ENOX1: variants seen among roughly 807,000 people sequenced by gnomAD.
ENOX1 encodes ecto-NOX disulfide-thiol exchanger 1.
ENOX1 carries 42 observed loss-of-function variants against 82.5 expected under a neutral mutation model. The ratio of observed to expected loss-of-function variants is 0.51; its 90% confidence interval spans 0.40 to 0.66. The LOEUF is 0.66. Ranked by LOEUF, ENOX1 falls within the 30% of genes least tolerant of loss-of-function variation. ENOX1 has a pLI of 0.00. For synonymous variants in ENOX1, 271 were observed against 282.2 expected (o/e 0.96, Z 0.40); for missense variants, 608 against 811.6 (o/e 0.75, Z 3.05).
At chr13:43,556,957 T>C (rs556281176) in intron 2 of ENOX1, among the ~76,000 whole-genome samples, 4 of 152,212 alleles carry the variant, frequency 2.6e-5, no homozygotes, top group Middle Eastern at 3.4e-3. Flanking sequence ...TACATAGAAT[T>C]TGAATAAGTG....
At chr13:43,289,773 A>T (rs1016025155) in intron 12 of ENOX1, among the ~76,000 whole-genome samples, 5 of 152,140 alleles carry the variant, frequency 3.3e-5, no homozygotes, top group Admixed American at 6.6e-5. Flanking sequence ...GAAACTATCA[A>T]CAGAGTAAAC....
At chr13:43,344,873 T>C in intron 8 of ENOX1, 123 bp from the exon 9 acceptor site, 1 of 942,062 alleles carries the variant, frequency 1.1e-6, no homozygotes, top group Non-Finnish European at 1.6e-6. Flanking sequence ...ACTCAGCAAG[T>C]TAGCTTTCCT....
rs568979296 is a variant in ENOX1 at position 43,385,422 on chromosome 13, AT to A, written c.209-23971del. Among the ~76,000 whole-genome samples the A allele has an allele frequency of 2.0e-5, 3 of 152,290 alleles. No individual in the cohort carries two copies. The South Asian group carries it at 6.2e-4, about 32-fold the overall frequency. ...CCTAGTAAATCAACAAGAAAAAAAA[AT>A]GTTTCAACAGATAATAAGTAAAAAA... On this transcript the variant is annotated intron_variant, in intron 5 of 16. Transcript: ENST00000690772.
chr13:43,247,863 ATATATATATATATATATATATTTTT>A (rs1566329602), intron 14 of ENOX1, among the ~76,000 whole-genome samples: 1 of 1,848 alleles, frequency 5.4e-4, no homozygotes, highest in Non-Finnish European at 1.0e-3. Flanking sequence ...ATATATATAT[ATATATATATATATATATATATTTTT>A]TTTTTTTTTT....
At chr13:43,463,544 T>C (rs2057582832) in intron 3 of ENOX1, among the ~76,000 whole-genome samples, 1 of 152,198 alleles carries the variant, frequency 6.6e-6, no homozygotes, top group Non-Finnish European at 1.5e-5. Flanking sequence ...GATAAATGTA[T>C]GCAGCTAGCT....
chr13:43,324,347 G>GA (rs988743261), intron 10 of ENOX1, among the ~76,000 whole-genome samples: 15 of 151,492 alleles, frequency 9.9e-5, no homozygotes, highest in East Asian at 9.7e-4. Flanking sequence ...TGGTGGAAAA[G>GA]AAAAAAAAAT....
intron 3 of ENOX1, among the ~76,000 whole-genome samples, chr13:43,448,877 C>T (rs1449735507): frequency 2.0e-5 from 3 of 152,228 alleles, no homozygotes; most frequent in Non-Finnish European, 2.9e-5. Context: ...AAACGGGTAA[C>T]ATACCTTGGA....
At chr13:43,350,130 T>C (rs978828717) in intron 8 of ENOX1, among the ~76,000 whole-genome samples, 3 of 152,266 alleles carry the variant, frequency 2.0e-5, no homozygotes, top group Non-Finnish European at 2.9e-5. Flanking sequence ...TTCGTCTCTG[T>C]AACAATGCAA....
intron 2 of ENOX1, among the ~76,000 whole-genome samples, chr13:43,522,639 T>G: frequency 6.6e-6 from 1 of 152,120 alleles, no homozygotes; most frequent in East Asian, 1.9e-4. Context: ...GGACAGCAGG[T>G]GAGGGGGCCT....
chr13:43,584,264 T>A (rs2080877440), intron 2 of ENOX1, among the ~76,000 whole-genome samples: 1 of 152,146 alleles, frequency 6.6e-6, no homozygotes, highest in Admixed American at 6.5e-5. Context: ...GGTTGTTGGT[T>A]TGGAAGCAAG....
At chr13:43,578,096 G>A (rs993743319) in intron 2 of ENOX1, among the ~76,000 whole-genome samples, 1 of 152,126 alleles carries the variant, frequency 6.6e-6, no homozygotes, top group African/African-American at 2.4e-5. Context: ...AACTAGGTTT[G>A]CTTAGACTTT....
chr13:43,287,616 C>G (rs921336036), intron 12 of ENOX1, among the ~76,000 whole-genome samples: 2 of 152,212 alleles, frequency 1.3e-5, no homozygotes, highest in South Asian at 2.1e-4. Context: ...TAGGTGGCAT[C>G]AGTACGGCTT....
At chr13:43,665,780 A>G (rs879282032) in intron 2 of ENOX1, among the ~76,000 whole-genome samples, 3 of 151,654 alleles carry the variant, frequency 2.0e-5, no homozygotes, top group Non-Finnish European at 4.4e-5. Flanking sequence ...AACTGAAGGC[A>G]AGAGCTCCCT....
chr13:43,433,928 G>A (rs570929819), intron 3 of ENOX1, among the ~76,000 whole-genome samples: 7 of 152,330 alleles, frequency 4.6e-5, no homozygotes, highest in African/African-American at 9.6e-5. Flanking sequence ...TAAGGACACA[G>A]GCCTGAAGCT....
In ENOX1 at chr13:43,457,390, T is replaced by C. The variant is rs112410985; in HGVS notation, c.-75+26619A>G. Reference sequence around the variant, plus strand: ...TGACTTTCCATAAATGTTATCTTTATCCAGATAACAGCATTTTGTTATCTT... The same window carrying C: ...TGACTTTCCATAAATGTTATCTTTACCCAGATAACAGCATTTTGTTATCTT... On this transcript the variant is annotated intron_variant, in intron 3 of 16. Transcript: ENST00000690772. 9.8e-3 allele frequency among the ~76,000 whole-genome samples: 1,489 copies of C among 152,282 alleles called. 24 individuals carry two copies. Among genetic ancestry groups the C allele is most frequent in the African/African-American group, 0.033 (1,383 of 41,566 alleles).
At chr13:43,651,644 C>G (rs111452267) in intron 2 of ENOX1, among the ~76,000 whole-genome samples, 21,663 of 147,958 alleles carry the variant, frequency 0.15, 1,918 homozygotes, top group East Asian at 0.38. Context: ...TTGCAGTGAG[C>G]TGAGAGCACA....
intron 12 of ENOX1, among the ~76,000 whole-genome samples, chr13:43,276,785 G>C (rs1305171722): frequency 1.3e-5 from 2 of 152,198 alleles, no homozygotes; most frequent in Non-Finnish European, 1.5e-5. Context: ...CTCTGGGGAA[G>C]GACAATCATT....
intron 11 of ENOX1, among the ~76,000 whole-genome samples, chr13:43,315,514 G>C (rs1018979976): frequency 2.6e-5 from 4 of 152,176 alleles, no homozygotes; most frequent in Non-Finnish European, 5.9e-5. Context: ...CCCAGATTCT[G>C]TCATCTAAAC....
At chr13:43,276,275 C>G (rs1030396203) in intron 12 of ENOX1, among the ~76,000 whole-genome samples, 9 of 152,256 alleles carry the variant, frequency 5.9e-5, no homozygotes, top group African/African-American at 2.2e-4. Flanking sequence ...AACATTTGCT[C>G]TACGTGGCAA....
Sources: allele counts gnomAD v4.1 joint callset (sites outside exome capture counted in the v4.1 genomes callset), GRCh38; gene constraint gnomAD v4.1.1; transcripts MANE v1.5; gene names NCBI Gene and HGNC (gene_info 2026-07-23, HGNC 2026-07-21).